CLTCL1: variants seen among roughly 807,000 people sequenced by gnomAD.
CLTCL1 encodes clathrin heavy chain like 1.
In CLTCL1, 159 loss-of-function variants were observed where a neutral mutation model predicts 190.0. The ratio of observed to expected loss-of-function variants is 0.84; its 90% CI spans 0.74 to 0.95. The LOEUF is 0.95. CLTCL1 is among the 40% of genes least tolerant of loss of function. The pLI is 0.00. For missense variants in CLTCL1, 1,878 were observed against 2,033.4 expected (o/e 0.92, Z 1.47); for synonymous variants, 752 against 769.6 (o/e 0.98, Z 0.38).
At chr22:19,190,129 C>T (rs2084443147) in intron 27 of CLTCL1, among the ~76,000 whole-genome samples, 2 of 152,056 alleles carry the variant, frequency 1.3e-5, no homozygotes, top group Admixed American at 6.5e-5. Context: ...TTAGTAGAGA[C>T]GGGGTTTCAC....
In CLTCL1 at chr22:19,242,920, C is replaced by A. The variant is rs1555966224; in HGVS notation, c.536G>T (p.Gly179Val). 2 of 1,613,548 alleles carry A rather than the reference C, an allele frequency of 1.2e-6. No individual in the cohort carries two copies. The highest frequency in any genetic ancestry group is 2.2e-5 in the South Asian group (2 of 91,048). Residue 179 changes from glycine to valine, a missense_variant, in exon 4 of 33, where the codon GGA becomes GTA. Physicochemically the swap from Gly to Val is moderately radical, Grantham distance 109 (BLOSUM62 -3). Coordinates refer to ENST00000427926, the MANE Select transcript of CLTCL1 (RefSeq NM_007098.4). ...ATCCACAGAGTAGAGCTGCATTGCTCCAACCACACGGTTTTGCTAAGAAAA... is the reference window on the plus strand; with the variant it reads ...ATCCACAGAGTAGAGCTGCATTGCTACAACCACACGGTTTTGCTAAGAAAA... ...GISAQQNRVV[G>V]AMQLYSVDRK...
chr22:19,210,574 A>C (rs1045990969), intron 19 of CLTCL1, 65 bp from the exon 20 acceptor site: 7 of 1,482,448 alleles, frequency 4.7e-6, no homozygotes, highest in Middle Eastern at 2.3e-4. Context: ...ATTTTTTGGC[A>C]GGTCAGGCAT....
intron 1 of CLTCL1, among the ~76,000 whole-genome samples, chr22:19,283,229 G>A (rs141410748): frequency 2.2e-3 from 331 of 151,680 alleles, no homozygotes; most frequent in African/African-American, 7.2e-3. Context: ...CTGATCCCTA[G>A]TATATTATTC....
chr22:19,276,824 C>T (rs1601721166), intron 1 of CLTCL1, among the ~76,000 whole-genome samples: 1 of 152,258 alleles, frequency 6.6e-6, no homozygotes, highest in African/African-American at 2.4e-5. Context: ...CGCCCGCCAC[C>T]ACGCCTGGCT....
chr22:19,230,143 C>T (rs975809403), intron 10 of CLTCL1, among the ~76,000 whole-genome samples, 168 bp from the exon 11 acceptor site: 10 of 144,448 alleles, frequency 6.9e-5, no homozygotes, highest in Admixed American at 5.7e-4. Context: ...GTCACCCAGG[C>T]TAGACTGCAA....
At chr22:19,193,845 A>C (rs1264838615) in intron 26 of CLTCL1, among the ~76,000 whole-genome samples, 1 of 152,176 alleles carries the variant, frequency 6.6e-6, no homozygotes, top group Non-Finnish European at 1.5e-5. Context: ...GAAGCTCCAG[A>C]CCTTCGCAGT....
intron 5 of CLTCL1, among the ~76,000 whole-genome samples, chr22:19,237,334 G>GA (rs1264926289): frequency 1.3e-5 from 2 of 151,690 alleles, no homozygotes; most frequent in East Asian, 3.9e-4. Context: ...GATCCCAATA[G>GA]AAAAAAAATG....
intron 12 of CLTCL1, 50 bp from the exon 13 acceptor site, chr22:19,225,683 GCT>G: frequency 6.9e-7 from 1 of 1,439,828 alleles, no homozygotes; most frequent in Non-Finnish European, 9.3e-7. Context: ...TCTAAAGATT[GCT>G]AACACTTGGA....
chr22:19,263,067 G>A (rs2087004057), intron 2 of CLTCL1, among the ~76,000 whole-genome samples: 1 of 150,624 alleles, frequency 6.6e-6, no homozygotes, highest in African/African-American at 2.4e-5. Context: ...ACTCACTGAA[G>A]GCTGATAATG....
chr22:19,191,536 G>A, intron 26 of CLTCL1, 101 bp from the exon 27 acceptor site: 1 of 1,399,492 alleles, frequency 7.1e-7, no homozygotes, highest in Admixed American at 1.8e-5. Context: ...ACTGAGGCCT[G>A]CCATGACTAC....
In CLTCL1 at chr22:19,223,919, T is replaced by C. The variant is rs782458100; in HGVS notation, c.2264A>G (p.Asn755Ser). The C allele has an allele frequency of 1.9e-6, 3 of 1,613,704 alleles. No individual in the cohort carries two copies. The highest frequency in any genetic ancestry group is 3.3e-5 in the Admixed American group (2 of 59,996). ...CAGGAAGTTCTTCACACGCTCTGGG[T>C]TGTAGCAGCTGCTCTCTCGGCATAT... ...ERICRESSCY[N>S]PERVKNFLKE... The change falls in exon 14 of 33, where the codon AAC becomes AGC. Residue 755 changes from asparagine to serine, a missense_variant. By Grantham distance (46) the Asn-to-Ser change is conservative. Coordinates refer to ENST00000427926, the MANE Select transcript of CLTCL1 (RefSeq NM_007098.4).
intron 16 of CLTCL1, 84 bp downstream of exon 16, chr22:19,221,867 A>G: frequency 6.8e-7 from 1 of 1,478,360 alleles, no homozygotes; most frequent in Non-Finnish European, 9.3e-7. Context: ...CCAGCTATAG[A>G]GACAGTCCTG....
At chr22:19,245,860 A>G (rs1555967716) in intron 3 of CLTCL1, among the ~76,000 whole-genome samples, 4 of 152,202 alleles carry the variant, frequency 2.6e-5, no homozygotes. Context: ...GGGTTAAATA[A>G]TGTCCCACTG....
chr22:19,275,248 A>G (rs1031655824), intron 2 of CLTCL1, among the ~76,000 whole-genome samples: 2 of 152,172 alleles, frequency 1.3e-5, no homozygotes, highest in Non-Finnish European at 2.9e-5. Flanking sequence ...TCACAGGAGG[A>G]AAACCCCCGA....
In CLTCL1 at chr22:19,225,523, G is replaced by A. The variant is rs781992962; in HGVS notation, c.2058C>T (p.Ala686=). The stretch of plus-strand genomic sequence containing the variant: ...TGCCCAGCTGCTCGTGGTACTTAGA[G>A]GCCACCTGCACACACAGCTGAAGGT... ...RQNLQLCVQV[A]SKYHEQLGTQ... Residue 686 remains alanine (A), a synonymous_variant, in exon 13 of 33, where the codon GCC becomes GCT. Transcript: ENST00000427926. The A allele has an allele frequency of 4.4e-6, 7 of 1,587,200 alleles. No homozygotes were observed. The highest frequency in any genetic ancestry group is 1.3e-5 in the African/African-American group (1 of 74,258).
At chr22:19,229,674 G>A (rs1206551) in intron 11 of CLTCL1, among the ~76,000 whole-genome samples, 164 bp downstream of exon 11, 27 of 152,140 alleles carry the variant, frequency 1.8e-4, no homozygotes, top group African/African-American at 6.3e-4. Context: ...CATGATTTCT[G>A]GAAAATCCTT....
chr22:19,225,189 GAC>G (rs1207866092), intron 13 of CLTCL1, among the ~76,000 whole-genome samples: 1 of 152,194 alleles, frequency 6.6e-6, no homozygotes, highest in Non-Finnish European at 1.5e-5. Flanking sequence ...GTGCTGCGTA[GAC>G]ACACCGGGCT....
chr22:19,239,461 G>C lies in CLTCL1; in HGVS notation c.682-73C>G. The C allele has an allele frequency of 2.8e-6, 3 of 1,057,300 alleles. No homozygotes were observed. In the South Asian group the frequency reaches 3.8e-5, roughly 13 times the overall value. 65.5% of individuals were successfully genotyped at this position (1,057,300 alleles called of 1,614,324 possible). Reference sequence around the variant, plus strand: ...GGCAAGTGCTAGTCAAGGCACAGAGGCAAGTGGAGCCTCAGCTCCACACAC... The same window carrying C: ...GGCAAGTGCTAGTCAAGGCACAGAGCCAAGTGGAGCCTCAGCTCCACACAC... On this transcript the variant is annotated intron_variant, in intron 4 of 32. Coordinates refer to ENST00000427926, the MANE Select transcript of CLTCL1 (RefSeq NM_007098.4).
rs5748042 is a variant in CLTCL1, at chr22:19,206,808, T to A, written c.3600+1346A>T. On this transcript the variant is annotated intron_variant, in intron 22 of 32. Coordinates refer to ENST00000427926, the MANE Select transcript of CLTCL1 (RefSeq NM_007098.4). ...AAGTGCACTTGTAACTAATATAGAG[T>A]TATAATACATTCCATTATCTCTTCA... Among the ~76,000 whole-genome samples, 1,431 of 152,178 alleles carry A rather than the reference T, an allele frequency of 9.4e-3. 34 individuals carry two copies. The highest frequency in any genetic ancestry group is 0.069 in the East Asian group (354 of 5,162).
Sources: allele counts gnomAD v4.1 joint callset (sites outside exome capture counted in the v4.1 genomes callset), GRCh38; gene constraint gnomAD v4.1.1; transcripts MANE v1.5; gene names NCBI Gene and HGNC (gene_info 2026-07-23, HGNC 2026-07-21).